NBAS: variants seen among roughly 807,000 people sequenced by gnomAD.
NBAS encodes NAG/BC035112 fusion.
A neutral mutation model predicts 302.5 loss-of-function variants in NBAS; 219 were observed. The observed-to-expected ratio is 0.72, with a 90% CI of 0.65 to 0.81. NBAS has a LOEUF of 0.81. NBAS is among the 30% of genes least tolerant of loss of function. The probability of loss-of-function intolerance (pLI) is 0.00; values close to 1 mark genes in which losing one functional copy is unlikely to be tolerated. For synonymous variants in NBAS, 1,118 were observed against 1,021.6 expected (o/e 1.09, Z -1.80); for missense variants, 2,932 against 2,841.6 (o/e 1.03, Z -0.72).
At chr2:15,015,210 A>G in the NBAS span, among the ~76,000 whole-genome samples, 3 of 151,998 alleles carry the variant, frequency 2.0e-5, no homozygotes, top group Admixed American at 2.0e-4. Flanking sequence ...AATAACTTTA[A>G]AGAAAAAGTA....
intron 9 of NBAS, among the ~76,000 whole-genome samples, chr2:15,514,538 A>T (rs2148653085): frequency 6.6e-6 from 1 of 152,246 alleles, no homozygotes; most frequent in South Asian, 2.1e-4. Flanking sequence ...GAATTCAATA[A>T]ACTATAACAA....
chr2:15,521,347 AG>A (rs1180180561), intron 9 of NBAS, among the ~76,000 whole-genome samples: 1 of 152,190 alleles, frequency 6.6e-6, no homozygotes, highest in African/African-American at 2.4e-5. Flanking sequence ...ACCGAAGAAA[AG>A]TTTGGAAAAA....
chr2:14,975,194 G>A, the NBAS span, among the ~76,000 whole-genome samples: 1 of 152,194 alleles, frequency 6.6e-6, no homozygotes, highest in African/African-American at 2.4e-5. Context: ...TCAGCCTTGT[G>A]AGACCCTAAA....
chr2:15,196,105 TA>T, intron 48 of NBAS, among the ~76,000 whole-genome samples: 1 of 152,334 alleles, frequency 6.6e-6, no homozygotes, highest in East Asian at 1.9e-4. Context: ...AACCTGTTAA[TA>T]TACTCTCACT....
At chr2:15,232,533 G>A (rs772363644) in intron 46 of NBAS, 22 bp from the exon 47 acceptor site, 4 of 1,602,446 alleles carry the variant, frequency 2.5e-6, no homozygotes, top group Non-Finnish European at 3.4e-6. Flanking sequence ...GAGATAAACT[G>A]ATTCAGAAAA....
At chr2:15,435,103 GA>G (rs1412567368) in intron 21 of NBAS, among the ~76,000 whole-genome samples, 1 of 152,114 alleles carries the variant, frequency 6.6e-6, no homozygotes, top group Non-Finnish European at 1.5e-5. Context: ...CAAAACTACT[GA>G]AATGTACCAA....
chr2:15,545,306 T>A (rs1387958176), intron 6 of NBAS, among the ~76,000 whole-genome samples: 1 of 152,084 alleles, frequency 6.6e-6, no homozygotes, highest in Non-Finnish European at 1.5e-5. Flanking sequence ...AAATCCTGTA[T>A]GCAGAAGAAA....
At chr2:14,890,643 T>C in the NBAS span, 5,789 of 152,012 alleles carry the variant, frequency 0.038, 137 homozygotes, top group Non-Finnish European at 0.052. Context: ...CATCGCGAAA[T>C]CCTGTATCTA....
At chr2:15,399,014 T>C (rs1676013807) in intron 26 of NBAS, among the ~76,000 whole-genome samples, 2 of 152,176 alleles carry the variant, frequency 1.3e-5, no homozygotes, top group Admixed American at 6.5e-5. Flanking sequence ...GGTAATCCCC[T>C]AACTGTAACA....
At chr2:15,302,278 G>A (rs530347414) in intron 40 of NBAS, among the ~76,000 whole-genome samples, 4 of 152,148 alleles carry the variant, frequency 2.6e-5, no homozygotes, top group Non-Finnish European at 5.9e-5. Context: ...CCTACAATCG[G>A]ATGCTTTCCA....
At chr2:15,329,743 C>T (rs1020529913) in intron 36 of NBAS, among the ~76,000 whole-genome samples, 7 of 152,106 alleles carry the variant, frequency 4.6e-5, no homozygotes, top group African/African-American at 1.7e-4. Context: ...TCCAGGGGAG[C>T]TAGAGTTTGT....
intron 48 of NBAS, among the ~76,000 whole-genome samples, chr2:15,212,204 T>C (rs1427841174): frequency 2.0e-5 from 3 of 152,164 alleles, no homozygotes; most frequent in Non-Finnish European, 4.4e-5. Flanking sequence ...ATAAGACCAC[T>C]GCTTTTGTCT....
At chr2:15,488,783 G>T in intron 12 of NBAS, 111 bp downstream of exon 12, 1 of 1,371,952 alleles carries the variant, frequency 7.3e-7, no homozygotes, top group Non-Finnish European at 1.0e-6. Flanking sequence ...AAGAGCTTTG[G>T]AACGATGAGA....
intron 50 of NBAS, among the ~76,000 whole-genome samples, chr2:15,184,585 C>G (rs1168436424): frequency 6.6e-6 from 1 of 152,154 alleles, no homozygotes; most frequent in African/African-American, 2.4e-5. Context: ...ACTGATACGA[C>G]AGGAGGTGGA....
chr2:15,181,507 T>G (rs1023737535), intron 50 of NBAS, among the ~76,000 whole-genome samples: 1 of 152,190 alleles, frequency 6.6e-6, no homozygotes, highest in African/African-American at 2.4e-5. Flanking sequence ...ATTAAGAGAT[T>G]TACAAAGGGA....
intron 31 of NBAS, among the ~76,000 whole-genome samples, chr2:15,371,857 G>A (rs1189960417): frequency 6.6e-6 from 1 of 152,086 alleles, no homozygotes; most frequent in African/African-American, 2.4e-5. Flanking sequence ...TGAAGAGAAA[G>A]GATGTGGGGA....
intron 46 of NBAS, among the ~76,000 whole-genome samples, 164 bp from the exon 47 acceptor site, chr2:15,232,675 A>G (rs866632325): frequency 8.5e-5 from 13 of 152,198 alleles, no homozygotes; most frequent in African/African-American, 2.9e-4. Flanking sequence ...GAAGCCCTAC[A>G]CTAGGTGCTA....
chr2:15,383,979 C>T (rs939068598), intron 28 of NBAS, among the ~76,000 whole-genome samples: 3 of 152,074 alleles, frequency 2.0e-5, no homozygotes, highest in African/African-American at 7.2e-5. Flanking sequence ...TTGCTGTGTC[C>T]GGCGTAGGAA....
At chr2:15,230,166 A>C in intron 47 of NBAS, among the ~76,000 whole-genome samples, 1 of 152,130 alleles carries the variant, frequency 6.6e-6, no homozygotes, top group East Asian at 1.9e-4. Flanking sequence ...CCAAGGAATG[A>C]ATAACTTGAC....
Sources: allele counts gnomAD v4.1 joint callset (sites outside exome capture counted in the v4.1 genomes callset), GRCh38; gene constraint gnomAD v4.1.1; transcripts MANE v1.5; gene names NCBI Gene and HGNC (gene_info 2026-07-23, HGNC 2026-07-21).